SVIL: variants seen among roughly 807,000 people sequenced by gnomAD.
SVIL encodes supervillin, also known as archvillin.
In SVIL, 101 loss-of-function variants were observed where a neutral mutation model predicts 240.4. That is an observed-to-expected ratio of 0.42 (90% CI 0.36 to 0.50). The LOEUF (loss-of-function observed/expected upper bound fraction) is 0.50. Among genes scored for constraint, SVIL ranks in the 20% least tolerant of loss-of-function variants. The probability of loss-of-function intolerance (pLI) is 0.01; values close to 1 mark genes in which losing one functional copy is unlikely to be tolerated. For missense variants in SVIL, 2,512 were observed against 2,818.7 expected (o/e 0.89, Z 2.46); for synonymous variants, 999 against 1,100.0 (o/e 0.91, Z 1.82).
intron 1 of SVIL, among the ~76,000 whole-genome samples, chr10:29,622,784 C>A (rs1236807761): frequency 2.0e-5 from 3 of 152,166 alleles, no homozygotes; most frequent in African/African-American, 4.8e-5. Flanking sequence ...AGACTGCAAT[C>A]CCCCTAGTTC....
At chr10:29,464,834 G>C (rs1430513499) in intron 34 of SVIL, among the ~76,000 whole-genome samples, 2 of 148,286 alleles carry the variant, frequency 1.3e-5, no homozygotes, top group Non-Finnish European at 3.0e-5. Flanking sequence ...CAAACTGAGA[G>C]GCAGCTGACC....
intron 3 of SVIL, among the ~76,000 whole-genome samples, chr10:29,657,359 A>G (rs752445895): frequency 4.6e-5 from 7 of 152,136 alleles, no homozygotes; most frequent in Non-Finnish European, 8.8e-5. Context: ...CACTACTCAC[A>G]CCCATCAAGA....
Position 29,523,672 on chromosome 10 carries a change from C to T in SVIL, c.2942G>A (p.Arg981Gln), listed in dbSNP as rs1010545410. ...EAEASYPILN[R>Q]AREGDSHKES... is the part of the protein sequence containing the mutation. Reference sequence around the variant, plus strand: ...CTTATGGCTGTCTCCTTCCCTGGCTCGGTTCAGGATGGGGTAGGATGCTTC... The same window carrying T: ...CTTATGGCTGTCTCCTTCCCTGGCTTGGTTCAGGATGGGGTAGGATGCTTC... Residue 981 changes from arginine to glutamine, a missense_variant, in exon 15 of 38, where the codon CGA (arginine) becomes CAA (glutamine). Coordinates refer to ENST00000355867, the MANE Select transcript of SVIL (RefSeq NM_021738.3). 7 of 1,613,990 alleles carry T rather than the reference C, an allele frequency of 4.3e-6. No homozygotes were observed. The East Asian group carries it at 6.7e-5, about 15-fold the overall frequency.
Position 29,732,113 on chromosome 10 carries a change from T to C in SVIL, c.-400+3638A>G, listed in dbSNP as rs184438560. Among the ~76,000 whole-genome samples the C allele has an allele frequency of 9.8e-5, 15 of 152,326 alleles. No homozygotes were observed. In the East Asian group the frequency reaches 2.7e-3, roughly 27 times the overall value. ...CTCCTAACTCTTTACACGCCTCCAA[T>C]TGGTTATGCACGCAGCTCATTTTCC... On this transcript the variant is annotated intron_variant, in intron 1 of 35. Coordinates refer to the SVIL transcript ENST00000375400.
At chr10:29,685,253 G>A (rs1001520364) in intron 2 of SVIL, among the ~76,000 whole-genome samples, 4 of 152,182 alleles carry the variant, frequency 2.6e-5, no homozygotes, top group East Asian at 1.9e-4. Context: ...ACATGATCTC[G>A]TTCTTTCTCA....
At chr10:29,625,229 T>C (rs1223574035) in intron 1 of SVIL, among the ~76,000 whole-genome samples, 3 of 152,186 alleles carry the variant, frequency 2.0e-5, no homozygotes, top group Non-Finnish European at 2.9e-5. Context: ...TCTTTTTAAC[T>C]TTTGCTAAGT....
intron 1 of SVIL, among the ~76,000 whole-genome samples, chr10:29,596,616 A>T (rs1016353395): frequency 2.0e-5 from 3 of 152,164 alleles, no homozygotes; most frequent in African/African-American, 7.2e-5. Context: ...TTTCAGGGCC[A>T]CTGGGCATTG....
chr10:29,685,314 T>C (rs150243773), intron 2 of SVIL, among the ~76,000 whole-genome samples: 2 of 152,234 alleles, frequency 1.3e-5, no homozygotes, highest in East Asian at 3.8e-4. Flanking sequence ...CTTTATCTAG[T>C]CTACTACCAT....
In SVIL at chr10:29,463,784, GCAAA is replaced by G. The variant is rs201343514; in HGVS notation, c.6134-153_6134-150del. Reference sequence around the variant, plus strand: ...TGGCCATCAAACCAGGGGCAAAGGGGCAAACAGAGAAACCCAGGATACCCCAGCC... The same window carrying G: ...TGGCCATCAAACCAGGGGCAAAGGGGCAGAGAAACCCAGGATACCCCAGCC... On this transcript the variant is annotated intron_variant, in intron 34 of 37. Transcript: ENST00000355867. 207 of 1,116,290 alleles carry G rather than the reference GCAAA, an allele frequency of 1.9e-4. 1 individual carries two copies. In the African/African-American group the frequency reaches 2.8e-3, roughly 15 times the overall value. 69.1% of individuals were successfully genotyped at this position (1,116,290 alleles called of 1,614,324 possible).
At chr10:29,475,827 A>G (rs961044090) in intron 29 of SVIL, among the ~76,000 whole-genome samples, 7 of 152,220 alleles carry the variant, frequency 4.6e-5, no homozygotes, top group African/African-American at 1.7e-4. Context: ...ATATCACTGC[A>G]GTTTTCCCAG....
In SVIL at chr10:29,494,991, G is replaced by T. The variant is rs1212690027; in HGVS notation, c.3764C>A (p.Ala1255Asp). The T allele has an allele frequency of 1.2e-6, 2 of 1,613,530 alleles. No individual in the cohort carries two copies. The highest frequency in any genetic ancestry group is 8.5e-7 in the Non-Finnish European group (1 of 1,180,022). Reference protein sequence around the residue: ...PVSKPLEDIEARPDMQLESDL... With the variant: ...PVSKPLEDIEDRPDMQLESDL... ...CGATTCTAACTGCATATCTGGTCTG[G>T]CTTCGATATCTAGGCAAGCAGAAAC... The change falls in exon 20 of 38, where the codon GCC becomes GAC. Residue 1255 changes from alanine to aspartate, a missense_variant. By Grantham distance (126) the Ala-to-Asp change is moderately radical. This residue lies in a region of SVIL where 272 missense variants were observed against 406.8 expected (regional missense o/e 0.67). Transcript: ENST00000355867.
chr10:29,722,966 T>G lies in SVIL; in HGVS notation c.-400+12785A>C, dbSNP rs369668871. Reference sequence around the variant, plus strand: ...TTTTCCTCTCAAGCCTTGATGTTGCTCATCTGTGAAATGGGAGTAATACTA... The same window carrying G: ...TTTTCCTCTCAAGCCTTGATGTTGCGCATCTGTGAAATGGGAGTAATACTA... On this transcript the variant is annotated intron_variant, in intron 1 of 35. Coordinates refer to the SVIL transcript ENST00000375400. Among the ~76,000 whole-genome samples the G allele has an allele frequency of 3.1e-4, 47 of 152,374 alleles. No individual in the cohort carries two copies. The East Asian group carries it at 8.7e-3, about 28-fold the overall frequency.
intron 1 of SVIL, among the ~76,000 whole-genome samples, chr10:29,600,938 G>A (rs1414271218): frequency 6.6e-6 from 1 of 152,132 alleles, no homozygotes; most frequent in African/African-American, 2.4e-5. Flanking sequence ...TGAACAACTC[G>A]CTTCTAGAAG....
intron 7 of SVIL, among the ~76,000 whole-genome samples, chr10:29,533,699 G>A (rs1463935698): frequency 6.6e-6 from 1 of 152,140 alleles, no homozygotes. Context: ...GCTGGCAGGG[G>A]TCAGATGCTA....
chr10:29,529,137 C>T (rs1951153671), intron 12 of SVIL, among the ~76,000 whole-genome samples: 1 of 133,284 alleles, frequency 7.5e-6, no homozygotes, highest in Admixed American at 8.5e-5. Flanking sequence ...GATCATGCCA[C>T]TGCACTCCGT....
At chr10:29,586,902 G>A (rs2132785396) in intron 1 of SVIL, among the ~76,000 whole-genome samples, 1 of 152,280 alleles carries the variant, frequency 6.6e-6, no homozygotes, top group African/African-American at 2.4e-5. Flanking sequence ...AGGGTGGAGG[G>A]TGGGAGGAGG....
intron 32 of SVIL, among the ~76,000 whole-genome samples, chr10:29,468,622 G>GTGTATATATATATACATATATATATACA (rs937166999): frequency 2.4e-4 from 36 of 150,720 alleles, no homozygotes; most frequent in East Asian, 6.0e-4. Flanking sequence ...CTAATAGTAG[G>GTGTATATATATATACATATATATATACA]TGTATATATA....
intron 3 of SVIL, among the ~76,000 whole-genome samples, chr10:29,642,446 AGAAAGAAAGAAAGAAAGAAAGACC>A (rs1470190042): frequency 3.7e-4 from 47 of 125,750 alleles, no homozygotes; most frequent in African/African-American, 1.1e-3. Context: ...AAAGAAAGAA[AGAAAGAAAGAAAGAAAGAAAGACC>A]GACCCCTAAT....
In SVIL at chr10:29,458,214, C is replaced by T. The variant is rs764838794; in HGVS notation, c.*33G>A. Reference sequence around the variant, plus strand: ...TCCCTGGTGCAGTGGTGTTGTTGGACGTGACCGTGAGGCTCCTCTGGCGTC... The same window carrying T: ...TCCCTGGTGCAGTGGTGTTGTTGGATGTGACCGTGAGGCTCCTCTGGCGTC... On this transcript the variant is annotated 3_prime_UTR_variant, in exon 38 of 38. Transcript: ENST00000355867. 4.4e-6 allele frequency: 7 copies of T among 1,605,164 alleles called. No individual in the cohort carries two copies. The highest frequency in any genetic ancestry group is 1.1e-5 in the South Asian group (1 of 90,708).
Sources: allele counts gnomAD v4.1 joint callset (sites outside exome capture counted in the v4.1 genomes callset), GRCh38; gene constraint gnomAD v4.1.1; regional missense constraint gnomAD v4.1.1; transcripts MANE v1.5; gene names NCBI Gene and HGNC (gene_info 2026-07-23, HGNC 2026-07-21).